Variants in BAZ2B observed in about 807,000 individuals in gnomAD.
BAZ2B encodes the protein bromodomain adjacent to zinc finger domain 2B, also known as bromodomain adjacent to zinc finger domain protein 2B.
In BAZ2B, 91 loss-of-function variants were observed where a neutral mutation model predicts 246.0. The ratio of observed to expected loss-of-function variants is 0.37; its 90% CI spans 0.31 to 0.44. The LOEUF (loss-of-function observed/expected upper bound fraction) is 0.44. BAZ2B is among the 20% of genes least tolerant of loss of function. The probability of loss-of-function intolerance (pLI) is 1.00; values close to 1 mark genes in which losing one functional copy is unlikely to be tolerated. For synonymous variants in BAZ2B, 855 were observed against 860.0 expected (o/e 0.99, Z 0.10); for missense variants, 2,332 against 2,533.7 (o/e 0.92, Z 1.71).
chr2:159,575,886 G>A (rs1331776977), intron 1 of BAZ2B, among the ~76,000 whole-genome samples: 1 of 152,100 alleles, frequency 6.6e-6, no homozygotes, highest in Admixed American at 6.5e-5. Flanking sequence ...GAATCTATAT[G>A]TTTTCCTTCA....
intron 2 of BAZ2B, among the ~76,000 whole-genome samples, chr2:159,545,937 T>C (rs2087274586): frequency 6.6e-6 from 1 of 152,236 alleles, no homozygotes; most frequent in Non-Finnish European, 1.5e-5. Context: ...ACTATTCCTC[T>C]TGCTTCCAGA....
intron 1 of BAZ2B, among the ~76,000 whole-genome samples, chr2:159,604,898 T>G (rs1693040753): frequency 6.6e-6 from 1 of 151,982 alleles, no homozygotes; most frequent in Non-Finnish European, 1.5e-5. Context: ...GGAAAATTAT[T>G]GTTAAATCTA....
At chr2:159,449,186 C>G (rs962326832) in intron 4 of BAZ2B, among the ~76,000 whole-genome samples, 1 of 152,066 alleles carries the variant, frequency 6.6e-6, no homozygotes, top group African/African-American at 2.4e-5. Context: ...TAAATAGTGT[C>G]TCTTAAAGTT....
At chr2:159,613,290 T>C (rs903404068) in intron 1 of BAZ2B, among the ~76,000 whole-genome samples, 1 of 152,002 alleles carries the variant, frequency 6.6e-6, no homozygotes, top group Non-Finnish European at 1.5e-5. Context: ...TTTGTAAGAG[T>C]AAATGGTACT....
At chr2:159,682,859 A>G in the BAZ2B span, among the ~76,000 whole-genome samples, 4 of 152,136 alleles carry the variant, frequency 2.6e-5, no homozygotes, top group African/African-American at 7.2e-5. Context: ...GATGAAAAAA[A>G]GCACCATTTC....
chr2:159,404,101 A>C (rs1213421617), intron 16 of BAZ2B, among the ~76,000 whole-genome samples: 7 of 152,134 alleles, frequency 4.6e-5, no homozygotes, highest in Admixed American at 1.3e-4. Flanking sequence ...CATTCTCAGA[A>C]ATAACTACAT....
chr2:159,448,796 T>A (rs2074619592), intron 4 of BAZ2B, among the ~76,000 whole-genome samples: 1 of 152,218 alleles, frequency 6.6e-6, no homozygotes, highest in Non-Finnish European at 1.5e-5. Context: ...ACAACCTATG[T>A]TAAGACTTTC....
chr2:159,393,979 C>T (rs1462664715), intron 20 of BAZ2B, among the ~76,000 whole-genome samples: 1 of 152,196 alleles, frequency 6.6e-6, no homozygotes, highest in Non-Finnish European at 1.5e-5. Flanking sequence ...TTCCCCCTCT[C>T]AGATGATCTC....
intron 2 of BAZ2B, among the ~76,000 whole-genome samples, chr2:159,492,944 T>C (rs2080662880): frequency 6.6e-6 from 1 of 152,210 alleles, no homozygotes; most frequent in African/African-American, 2.4e-5. Context: ...TTTTTGACAC[T>C]TTCGGCACCA....
At chr2:159,493,053 A>C (rs886225395) in intron 2 of BAZ2B, among the ~76,000 whole-genome samples, 1 of 152,182 alleles carries the variant, frequency 6.6e-6, no homozygotes, top group Non-Finnish European at 1.5e-5. Context: ...CACTTTAAAC[A>C]GTTCTTTTGT....
the BAZ2B span, among the ~76,000 whole-genome samples, chr2:159,647,724 T>C: frequency 6.6e-6 from 1 of 152,014 alleles, no homozygotes; most frequent in Non-Finnish European, 1.5e-5. Context: ...CAACGACCAA[T>C]AAAATAAAAA....
intron 20 of BAZ2B, among the ~76,000 whole-genome samples, chr2:159,393,598 C>T (rs1215949898): frequency 6.7e-6 from 1 of 149,242 alleles, no homozygotes; most frequent in Non-Finnish European, 1.5e-5. Flanking sequence ...TCAGATTTGC[C>T]CATGAGTATT....
chr2:159,694,080 A>G, the BAZ2B span: 1 of 152,154 alleles, frequency 6.6e-6, no homozygotes, highest in Non-Finnish European at 1.5e-5. Flanking sequence ...TGGGACCTTT[A>G]AAGAGACAAG....
intron 22 of BAZ2B, among the ~76,000 whole-genome samples, chr2:159,385,720 G>C (rs1385688645): frequency 6.6e-6 from 1 of 152,084 alleles, no homozygotes; most frequent in Admixed American, 6.6e-5. Context: ...AGGAATGACA[G>C]AGTGGGGAGG....
At chr2:159,590,237 C>T (rs1340732945) in intron 1 of BAZ2B, among the ~76,000 whole-genome samples, 3 of 95,910 alleles carry the variant, frequency 3.1e-5, no homozygotes, top group Non-Finnish European at 6.2e-5. Flanking sequence ...AAAAACAACC[C>T]AGCAAGAACT....
At position 159,336,971 on chromosome 2, in the gene BAZ2B, T is replaced by C; in HGVS notation, c.5767A>G (p.Ile1923Val). Residue 1923 changes from isoleucine (I) to valine (V), a missense_variant, in exon 33 of 37, where the codon ATA (isoleucine) becomes GTA (valine). Ile to Val is a conservative substitution (Grantham distance 29). Around this residue, in one of 9 missense-constraint regions of BAZ2B, gnomAD observed 53 missense variants for 62.0 expected, o/e 0.86. Transcript: ENST00000392783. ...ALCIQQLQKSIAWEKSIMKVY... is the reference protein window; with the variant it reads ...ALCIQQLQKSVAWEKSIMKVY... ...TTCATAATTGATTTTTCCCATGCTA[T>C]TGATTTCTGTAATTGCTGAATGCAC... 6.2e-7 allele frequency: 1 copy of C among 1,608,080 alleles called. No individual in the cohort carries two copies. The highest frequency in any genetic ancestry group is 1.7e-4 in the Middle Eastern group (1 of 6,046).
At chr2:159,701,815 A>T in the BAZ2B span, among the ~76,000 whole-genome samples, 1 of 151,428 alleles carries the variant, frequency 6.6e-6, no homozygotes, top group East Asian at 1.9e-4. Flanking sequence ...TGCAACCTCC[A>T]CCTCCCAGGT....
At chr2:159,451,450 A>G (rs575308987) in intron 4 of BAZ2B, among the ~76,000 whole-genome samples, 1 of 152,304 alleles carries the variant, frequency 6.6e-6, no homozygotes, top group Admixed American at 6.5e-5. Flanking sequence ...AATAAAGCCA[A>G]TTATAGAAAA....
intron 2 of BAZ2B, among the ~76,000 whole-genome samples, chr2:159,527,237 C>T (rs565885908): frequency 6.6e-6 from 1 of 152,132 alleles, no homozygotes; most frequent in South Asian, 2.1e-4. Context: ...TTCATGTGTT[C>T]AGCTGACATC....
Sources: gnomAD v4.1 joint callset for allele counts (sites outside exome capture counted in the v4.1 genomes callset) on GRCh38, gnomAD v4.1.1 for gene constraint, gnomAD v4.1.1 regional missense constraint, MANE v1.5 for transcripts, NCBI Gene and HGNC (gene_info 2026-07-23, HGNC 2026-07-21) for gene names.